Variants in FRMD4A observed in about 807,000 individuals in gnomAD.
The protein encoded by FRMD4A is FERM domain-containing protein 4A.
A neutral mutation model predicts 129.1 loss-of-function variants in FRMD4A; 29 were observed. The ratio of observed to expected loss-of-function variants is 0.22; its 90% CI spans 0.17 to 0.31. The LOEUF is 0.31. FRMD4A is among the 10% of genes least tolerant of loss of function. The pLI is 1.00. For missense variants in FRMD4A, 1,272 were observed against 1,375.8 expected, an observed-to-expected ratio of 0.92 and a Z score of 1.19; for synonymous variants, 634 against 571.6, an observed-to-expected ratio of 1.11 and a Z score of -1.56.
intron 2 of FRMD4A, among the ~76,000 whole-genome samples, chr10:13,997,283 C>T (rs1374933526): frequency 1.3e-5 from 2 of 152,140 alleles, no homozygotes; most frequent in African/African-American, 4.8e-5. Context: ...AGGGAGAAAA[C>T]TCACTCTTGG....
intron 2 of FRMD4A, among the ~76,000 whole-genome samples, chr10:14,047,638 A>G (rs902297269): frequency 6.6e-6 from 1 of 152,214 alleles, no homozygotes; most frequent in African/African-American, 2.4e-5. Context: ...CTAGTCCTCA[A>G]TAATCCAGGA....
intron 3 of FRMD4A, among the ~76,000 whole-genome samples, chr10:13,856,412 T>C (rs2094215022): frequency 6.6e-6 from 1 of 152,116 alleles, no homozygotes; most frequent in Non-Finnish European, 1.5e-5. Flanking sequence ...GTACTGGGGA[T>C]ACACCATGAT....
chr10:14,018,455 CAAAAAA>C (rs71388151), intron 2 of FRMD4A, among the ~76,000 whole-genome samples: 1,362 of 59,266 alleles, frequency 0.023, 21 homozygotes, highest in African/African-American at 0.09. Flanking sequence ...GACTCCATCT[CAAAAAA>C]AAAAAAAAAA....
intron 5 of FRMD4A, among the ~76,000 whole-genome samples, chr10:13,794,542 C>A (rs190249233): frequency 6.6e-6 from 1 of 152,118 alleles, no homozygotes; most frequent in African/African-American, 2.4e-5. Context: ...ATAAATTTGG[C>A]TTTGGACCTG....
intron 3 of FRMD4A, among the ~76,000 whole-genome samples, chr10:13,836,996 A>G (rs1248638788): frequency 2.0e-5 from 3 of 151,988 alleles, no homozygotes; most frequent in Non-Finnish European, 4.4e-5. Flanking sequence ...TGACCTCATG[A>G]TCTGCCTGCC....
Position 14,328,225 on chromosome 10 carries a change from G to T in FRMD4A, c.45+1833C>A, listed in dbSNP as rs941616323. 2.6e-5 allele frequency among the ~76,000 whole-genome samples: 4 copies of T among 151,958 alleles called. No homozygotes were observed. The South Asian group carries it at 8.3e-4, about 32-fold the overall frequency. On this transcript the variant is annotated intron_variant, in intron 2 of 24. Coordinates refer to ENST00000357447, the MANE Select transcript of FRMD4A (RefSeq NM_018027.5). ...GAGGAGAACACGATCCTTTTTTCCG[G>T]GCAGGAGGAGAGTGCCAGGGACAGA... is the stretch of plus-strand genomic sequence containing the variant.
At chr10:14,292,340 T>C (rs1467669891) in intron 2 of FRMD4A, among the ~76,000 whole-genome samples, 3 of 152,190 alleles carry the variant, frequency 2.0e-5, no homozygotes, top group Non-Finnish European at 2.9e-5. Context: ...AATAAGCCCA[T>C]GCTTATATGG....
intron 2 of FRMD4A, among the ~76,000 whole-genome samples, chr10:14,144,606 A>T (rs569125958): frequency 6.6e-6 from 1 of 152,056 alleles, no homozygotes; most frequent in Non-Finnish European, 1.5e-5. Flanking sequence ...GCACTATTCT[A>T]TGTGTGATCA....
chr10:13,779,288 C>A (rs550073423), intron 6 of FRMD4A, among the ~76,000 whole-genome samples: 5 of 151,248 alleles, frequency 3.3e-5, no homozygotes, highest in Non-Finnish European at 7.4e-5. Flanking sequence ...TACACTACAG[C>A]CTGGGCTACA....
At chr10:14,261,233 G>A (rs1844789961) in intron 2 of FRMD4A, among the ~76,000 whole-genome samples, 1 of 152,176 alleles carries the variant, frequency 6.6e-6, no homozygotes, top group South Asian at 2.1e-4. Context: ...AAAACATCAT[G>A]ATTAAACATT....
At chr10:13,718,093 C>G (rs1386504639) in intron 12 of FRMD4A, among the ~76,000 whole-genome samples, 1 of 152,178 alleles carries the variant, frequency 6.6e-6, no homozygotes, top group Non-Finnish European at 1.5e-5. Context: ...CAGAGCCGGC[C>G]CATCCTGCTG....
At chr10:13,851,637 C>T (rs1302556053) in intron 3 of FRMD4A, among the ~76,000 whole-genome samples, 1 of 152,044 alleles carries the variant, frequency 6.6e-6, no homozygotes, top group African/African-American at 2.4e-5. Flanking sequence ...CGTGGTGGCT[C>T]ACACCTGTAA....
chr10:14,201,596 A>G (rs968839982), intron 2 of FRMD4A, among the ~76,000 whole-genome samples: 1 of 152,154 alleles, frequency 6.6e-6, no homozygotes, highest in South Asian at 2.1e-4. Flanking sequence ...TCCAGCAAAT[A>G]AAAGTGTGGT....
chr10:14,311,204 C>T (rs1392365601), intron 2 of FRMD4A, among the ~76,000 whole-genome samples: 3 of 152,180 alleles, frequency 2.0e-5, no homozygotes, highest in African/African-American at 4.8e-5. Context: ...CCACCTGTCT[C>T]CTGAATTTCC....
chr10:13,667,312 A>T (rs944594588), intron 17 of FRMD4A: 9 of 152,358 alleles, frequency 5.9e-5, no homozygotes, highest in African/African-American at 2.2e-4. Context: ...GCACAAATGG[A>T]CAGTGGGTGG....
intron 2 of FRMD4A, among the ~76,000 whole-genome samples, chr10:14,230,477 G>T (rs1430406019): frequency 6.6e-6 from 1 of 152,200 alleles, no homozygotes; most frequent in African/African-American, 2.4e-5. Context: ...TGCGCATAAA[G>T]ATCTTGGCCC....
chr10:13,753,143 G>A (rs1393521940), intron 8 of FRMD4A, among the ~76,000 whole-genome samples: 1 of 152,194 alleles, frequency 6.6e-6, no homozygotes, highest in Non-Finnish European at 1.5e-5. Flanking sequence ...TTCATTCTTT[G>A]CTGATCTTTA....
At chr10:13,914,826 G>C (rs2094981843) in intron 2 of FRMD4A, among the ~76,000 whole-genome samples, 1 of 152,054 alleles carries the variant, frequency 6.6e-6, no homozygotes, top group Non-Finnish European at 1.5e-5. Context: ...CACAAGACTG[G>C]GCAACAGAGT....
intron 2 of FRMD4A, among the ~76,000 whole-genome samples, chr10:14,126,097 A>G (rs873056): frequency 0.61 from 92,856 of 151,376 alleles, 28,838 homozygotes; most frequent in East Asian, 0.76. Context: ...CCAAAAGGAA[A>G]AATTAGGGTT....
Sources: gnomAD v4.1 joint callset for allele counts (sites outside exome capture counted in the v4.1 genomes callset) on GRCh38, gnomAD v4.1.1 for gene constraint, MANE v1.5 for transcripts, NCBI Gene and HGNC (gene_info 2026-07-23, HGNC 2026-07-21) for gene names.